The following ASTN2 variants were observed in gnomAD, a reference collection of about 807,000 sequenced individuals.
ASTN2 encodes the protein astrotactin-2.
ASTN2 carries 54 observed loss-of-function variants against 139.8 expected under a neutral mutation model. The observed-to-expected ratio is 0.39, with a 90% CI of 0.31 to 0.48. The LOEUF is 0.48. ASTN2 is among the 20% of genes least tolerant of loss of function. The pLI is 0.95. For missense variants in ASTN2, 1,565 were observed against 1,725.1 expected, an observed-to-expected ratio of 0.91 and a Z score of 1.64; for synonymous variants, 756 against 719.5, an observed-to-expected ratio of 1.05 and a Z score of -0.81.
chr9:117,035,870 T>C (rs1838370330), intron 6 of ASTN2, among the ~76,000 whole-genome samples: 1 of 152,210 alleles, frequency 6.6e-6, no homozygotes, highest in Admixed American at 6.5e-5. Flanking sequence ...GAGCATATAA[T>C]GTATTCCCTT....
At chr9:116,625,886 CA>C (rs1217795599) in intron 17 of ASTN2, among the ~76,000 whole-genome samples, 11 of 152,300 alleles carry the variant, frequency 7.2e-5, no homozygotes, top group African/African-American at 2.6e-4. Context: ...TCCTCTCATT[CA>C]ATTTTTACAA....
At chr9:116,980,929 T>C (rs1836493891) in intron 7 of ASTN2, among the ~76,000 whole-genome samples, 1 of 152,066 alleles carries the variant, frequency 6.6e-6, no homozygotes, top group African/African-American at 2.4e-5. Flanking sequence ...AAATGACAGC[T>C]CTCTAGGGAT....
At chr9:117,022,960 A>G (rs1000664194) in intron 6 of ASTN2, among the ~76,000 whole-genome samples, 1 of 152,096 alleles carries the variant, frequency 6.6e-6, no homozygotes, top group Non-Finnish European at 1.5e-5. Flanking sequence ...GACAGTAAAC[A>G]GGAAGATAGT....
intron 13 of ASTN2, among the ~76,000 whole-genome samples, chr9:116,775,071 A>G (rs1830045587): frequency 6.6e-6 from 1 of 152,156 alleles, no homozygotes; most frequent in Non-Finnish European, 1.5e-5. Context: ...AGCAGGTAAT[A>G]GAATTTCAGG....
In ASTN2 at chr9:116,683,061, TA is replaced by T. The variant is rs199935502; in HGVS notation, c.2807-31269del. Among the ~76,000 whole-genome samples the T allele has an allele frequency of 1.9e-4, 26 of 136,308 alleles. No individual in the cohort carries two copies. In the South Asian group the frequency reaches 1.9e-3, roughly 10 times the overall value. The allele number at this position is 136,308 out of a possible 152,430, so 89.4% of individuals were successfully genotyped here. ...ATAAAATAAAAAATAAAAAATAAAT[TA>T]AAAAAAAAAGTGTGGCTGCCCTAAA... On this transcript the variant is annotated intron_variant, in intron 16 of 22. Transcript: ENST00000313400.
At chr9:116,830,162 T>C (rs7021326) in intron 11 of ASTN2, among the ~76,000 whole-genome samples, 8 of 152,096 alleles carry the variant, frequency 5.3e-5, no homozygotes, top group Admixed American at 3.3e-4. Context: ...CCATTAAAAA[T>C]TGGGCAAAAG....
intron 10 of ASTN2, among the ~76,000 whole-genome samples, chr9:116,892,797 G>A (rs1833795476): frequency 6.6e-6 from 1 of 152,080 alleles, no homozygotes; most frequent in African/African-American, 2.4e-5. Context: ...TGGGATGACT[G>A]CCTAATATGA....
intron 19 of ASTN2, among the ~76,000 whole-genome samples, chr9:116,590,810 C>G (rs1854348023): frequency 6.6e-6 from 1 of 152,186 alleles, no homozygotes; most frequent in Non-Finnish European, 1.5e-5. Context: ...TTGAGCTACC[C>G]AGGAAGGAGC....
rs1385119498 is a variant in ASTN2 at position 116,482,153 on chromosome 9, T to C, written c.3497+5206A>G. Among the ~76,000 whole-genome samples the C allele has an allele frequency of 2.0e-5, 3 of 152,090 alleles. No homozygotes were observed. In the South Asian group the frequency reaches 6.2e-4, roughly 32 times the overall value. On this transcript the variant is annotated intron_variant, in intron 20 of 22. Coordinates refer to ENST00000313400, the MANE Select transcript of ASTN2 (RefSeq NM_001365068.1). Reference sequence around the variant, plus strand: ...CATCCTGGCTAACACGGTGAAACCCTGTCTCTACTGAAAACACAAAATATT... The same window carrying C: ...CATCCTGGCTAACACGGTGAAACCCCGTCTCTACTGAAAACACAAAATATT...
intron 13 of ASTN2, among the ~76,000 whole-genome samples, chr9:116,798,210 G>A (rs576434373): frequency 1.3e-5 from 2 of 152,362 alleles, no homozygotes; most frequent in Admixed American, 1.3e-4. Context: ...GGCATAGGTT[G>A]CAGTGAGCCA....
chr9:116,792,041 A>G (rs1830573918), intron 13 of ASTN2, among the ~76,000 whole-genome samples: 1 of 152,118 alleles, frequency 6.6e-6, no homozygotes, highest in Non-Finnish European at 1.5e-5. Context: ...TGGTATATTT[A>G]GAGATGTTAA....
At chr9:117,396,760 T>A (rs1830686738) in intron 1 of ASTN2, among the ~76,000 whole-genome samples, 1 of 151,816 alleles carries the variant, frequency 6.6e-6, no homozygotes, top group African/African-American at 2.4e-5. Flanking sequence ...GAAACAGAGT[T>A]TCCCCATGTT....
intron 22 of ASTN2, among the ~76,000 whole-genome samples, chr9:116,431,161 C>A (rs1448933377): frequency 1.3e-5 from 2 of 152,142 alleles, no homozygotes; most frequent in African/African-American, 4.8e-5. Context: ...CCATTCTATT[C>A]CCAGCACCAT....
chr9:117,316,661 C>T (rs555225147), intron 1 of ASTN2, among the ~76,000 whole-genome samples: 28 of 152,234 alleles, frequency 1.8e-4, no homozygotes, highest in Non-Finnish European at 1.9e-4. Context: ...GTGTTTCTGC[C>T]TCCATTGAAT....
intron 10 of ASTN2, among the ~76,000 whole-genome samples, chr9:116,965,106 A>T (rs991748945): frequency 6.6e-6 from 1 of 152,236 alleles, no homozygotes; most frequent in Admixed American, 6.5e-5. Context: ...AAATGAGTTC[A>T]TCATGATGCT....
Position 116,975,057 on chromosome 9 carries a change from C to T in ASTN2, c.1889+151G>A, listed in dbSNP as rs1836307377. 11 of 720,640 alleles carry T rather than the reference C, an allele frequency of 1.5e-5. No homozygotes were observed. The East Asian group carries it at 2.8e-4, about 18-fold the overall frequency. The allele number at this position is 720,640 out of a possible 1,614,324, so 44.6% of individuals were successfully genotyped here. Reference sequence around the variant, plus strand: ...TGAGACACAGTGATGGAGGTCACATCTAAGAGTTTAGGAGCATGGCATATT... The same window carrying T: ...TGAGACACAGTGATGGAGGTCACATTTAAGAGTTTAGGAGCATGGCATATT... On this transcript the variant is annotated intron_variant, in intron 10 of 22. Transcript: ENST00000313400.
At chr9:116,468,813 C>CGGTAG (rs1462902972) in intron 20 of ASTN2, among the ~76,000 whole-genome samples, 1 of 152,206 alleles carries the variant, frequency 6.6e-6, no homozygotes, top group East Asian at 1.9e-4. Flanking sequence ...CAACTTCTTT[C>CGGTAG]ATCATCCGAA....
intron 10 of ASTN2, among the ~76,000 whole-genome samples, chr9:116,948,790 T>TTTTTTTTTTTTTTTTTTG (rs1835473795): frequency 1.8e-5 from 2 of 114,030 alleles, no homozygotes; most frequent in African/African-American, 3.9e-5. Context: ...TTGGTGTTTT[T>TTTTTTTTTTTTTTTTTTG]TTTTTTTTTT....
chr9:116,922,686 T>C (rs926975500), intron 10 of ASTN2, among the ~76,000 whole-genome samples: 5 of 152,000 alleles, frequency 3.3e-5, no homozygotes, highest in African/African-American at 9.7e-5. Context: ...TGAATTGATA[T>C]GGAGACATCT....
Sources: gnomAD v4.1 joint callset for allele counts (sites outside exome capture counted in the v4.1 genomes callset) on GRCh38, gnomAD v4.1.1 for gene constraint, MANE v1.5 for transcripts, NCBI Gene and HGNC (gene_info 2026-07-23, HGNC 2026-07-21) for gene names.